LAMA2: variants seen among roughly 807,000 people sequenced by gnomAD.
The protein encoded by LAMA2 is laminin subunit alpha 2, also known as laminin subunit alpha-2.
In LAMA2, 269 loss-of-function variants were observed where a neutral mutation model predicts 364.8. That is an observed-to-expected ratio of 0.74 (90% CI 0.67 to 0.82). LAMA2 has a LOEUF of 0.82. LAMA2 is among the 40% of genes least tolerant of loss of function. The probability of loss-of-function intolerance (pLI) is 0.00; values close to 1 mark genes in which losing one functional copy is unlikely to be tolerated. For synonymous variants in LAMA2, 1,379 were observed against 1,370.6 expected (o/e 1.01, Z -0.14); for missense variants, 3,807 against 3,873.2 (o/e 0.98, Z 0.45).
intron 40 of LAMA2, among the ~76,000 whole-genome samples, chr6:129,424,538 G>A (rs934757311): frequency 1.3e-5 from 2 of 151,506 alleles, no homozygotes; most frequent in Non-Finnish European, 2.9e-5. Context: ...TCAAAAATAA[G>A]AGCAAATAAC....
At chr6:129,123,305 C>CAA (rs964224907) in intron 4 of LAMA2, among the ~76,000 whole-genome samples, 5 of 97,046 alleles carry the variant, frequency 5.2e-5, no homozygotes, top group Non-Finnish European at 4.5e-5. Flanking sequence ...GACTCTGTCT[C>CAA]AAAAAAAAAA....
At chr6:129,070,692 C>T (rs1307481875) in intron 3 of LAMA2, among the ~76,000 whole-genome samples, 3 of 152,070 alleles carry the variant, frequency 2.0e-5, no homozygotes, top group African/African-American at 7.2e-5. Context: ...TTATTATGTA[C>T]AGTTTTTAAT....
rs5879934 is a variant in LAMA2 at position 129,255,405 on chromosome 6, C to CAAAA, written c.2096+3137_2096+3140dup. ...TGGGTGACAGAGGGAGACTCTGTCT[C>CAAAA]AAAAAAAAAAAAAAAAAAAAAAAAA... On this transcript the variant is annotated intron_variant, in intron 14 of 64. Transcript: ENST00000421865. Among the ~76,000 whole-genome samples, 27 of 33,828 alleles carry CAAAA rather than the reference C, an allele frequency of 8.0e-4. 2 individuals carry two copies. The highest frequency in any genetic ancestry group is 1.5e-3 in the East Asian group (1 of 658). 22.2% of individuals were successfully genotyped at this position (33,828 alleles called of 152,430 possible).
intron 14 of LAMA2, among the ~76,000 whole-genome samples, chr6:129,256,401 A>G (rs958427570): frequency 6.6e-6 from 1 of 152,158 alleles, no homozygotes; most frequent in African/African-American, 2.4e-5. Context: ...TAACTATTAA[A>G]AAGCAGTCAT....
At chr6:128,995,621 G>A (rs534375914) in intron 1 of LAMA2, among the ~76,000 whole-genome samples, 2 of 152,154 alleles carry the variant, frequency 1.3e-5, no homozygotes, top group Non-Finnish European at 2.9e-5. Flanking sequence ...ACCGCACCTG[G>A]CCCCAGTAGG....
chr6:129,406,776 G>A (rs906338779), intron 40 of LAMA2, among the ~76,000 whole-genome samples: 9 of 152,100 alleles, frequency 5.9e-5, no homozygotes, highest in African/African-American at 2.2e-4. Context: ...ATGTATACAA[G>A]AAGGGGGGTT....
In LAMA2 at chr6:129,320,576, G is replaced by C. The variant is rs573563174; in HGVS notation, c.4097G>C (p.Arg1366Pro). ...TCAATGGAGGTAGCTGAACAAGGAC[G>C]TGGAACAACAATGACTCCTCCAGCT... Reference protein sequence around the residue: ...EISMEVAEQGRGTTMTPPADL... With the variant: ...EISMEVAEQGPGTTMTPPADL... The change falls in exon 28 of 65, where the codon CGT becomes CCT. Residue 1366 changes from arginine to proline, a missense_variant. Transcript: ENST00000421865. 2 of 1,613,110 alleles carry C rather than the reference G, an allele frequency of 1.2e-6. No homozygotes were observed. The highest frequency in any genetic ancestry group is 2.2e-5 in the South Asian group (2 of 91,050).
At chr6:128,988,021 G>A (rs9482970) in intron 1 of LAMA2, among the ~76,000 whole-genome samples, 51,563 of 151,798 alleles carry the variant, frequency 0.34, 10,454 homozygotes, top group African/African-American at 0.57. Context: ...TCCGGCACCA[G>A]GCCCAGCTAA....
At chr6:129,147,147 AG>A (rs1178169333) in intron 6 of LAMA2, 99 bp downstream of exon 6, 1 of 798,082 alleles carries the variant, frequency 1.3e-6, no homozygotes, top group Non-Finnish European at 2.3e-6. Context: ...AATGGGAGTC[AG>A]GTCCCCACTT....
At chr6:128,929,348 G>A in intron 1 of LAMA2, 5 of 1,102,656 alleles carry the variant, frequency 4.5e-6, no homozygotes, top group Admixed American at 1.7e-5. Flanking sequence ...AAAGACTGGG[G>A]TGAGACCTCG....
chr6:129,505,242 G>C lies in LAMA2; in HGVS notation c.8590G>C (p.Asp2864His), dbSNP rs554254469. ...RSKQEGILYV[D>H]GASNRTISPK... Reference sequence around the variant, plus strand: ...TAAGCAAGAAGGAATTCTTTATGTAGATGGGGCTTCCAACAGAACCATCAG... The same window carrying C: ...TAAGCAAGAAGGAATTCTTTATGTACATGGGGCTTCCAACAGAACCATCAG... The change falls in exon 61 of 65, where the codon GAT (aspartate) becomes CAT (histidine). Residue 2864 changes from aspartate (D) to histidine (H), a missense_variant. Transcript: ENST00000421865. The C allele has an allele frequency of 1.5e-5, 25 of 1,613,842 alleles. No individual in the cohort carries two copies. The highest frequency in any genetic ancestry group is 2.0e-5 in the Non-Finnish European group (24 of 1,179,790).
chr6:128,905,722 G>A (rs1777412141), intron 1 of LAMA2: 1 of 151,384 alleles, frequency 6.6e-6, no homozygotes, highest in Non-Finnish European at 1.5e-5. Context: ...CCATGCTGGT[G>A]CGCTGCACCC....
rs112779983 is a variant in LAMA2, at chr6:129,506,978, T to C, written c.8704-511T>C. 8.3e-3 allele frequency among the ~76,000 whole-genome samples: 1,261 copies of C among 152,204 alleles called. 10 individuals carry two copies. Among genetic ancestry groups the C allele is most frequent in the Non-Finnish European group, 0.014 (941 of 67,992 alleles). On this transcript the variant is annotated intron_variant, in intron 61 of 64. Transcript: ENST00000421865. Reference sequence around the variant, plus strand: ...TGAACCCCCAATGTTTCATGCAAACTTTCAAGTTTTATGCATATTTGCATT... The same window carrying C: ...TGAACCCCCAATGTTTCATGCAAACCTTCAAGTTTTATGCATATTTGCATT...
At chr6:128,932,876 G>A (rs1779569393) in intron 1 of LAMA2, among the ~76,000 whole-genome samples, 1 of 152,072 alleles carries the variant, frequency 6.6e-6, no homozygotes, top group Admixed American at 6.6e-5. Flanking sequence ...TCTGTGTTTG[G>A]AAAATTCCAA....
intron 40 of LAMA2, among the ~76,000 whole-genome samples, chr6:129,413,423 G>C (rs142176104): frequency 9.2e-4 from 140 of 152,056 alleles, no homozygotes; most frequent in African/African-American, 3.2e-3. Context: ...CCTTACACAA[G>C]ATAACTTAAT....
chr6:129,098,302 T>C lies in LAMA2; in HGVS notation c.526T>C (p.Cys176Arg), dbSNP rs1031398435. The stretch of plus-strand genomic sequence containing the variant: ...GTATCATGCTGTGACAGACACGGAG[T>C]GCCTAACGCTTTACAATATTTATCC... ...WQYHAVTDTECLTLYNIYPRT... is the reference protein window; with the variant it reads ...WQYHAVTDTERLTLYNIYPRT... The change falls in exon 4 of 65, where the codon TGC (cysteine) becomes CGC (arginine). Residue 176 changes from cysteine (C) to arginine (R), a missense_variant. By Grantham distance (180) the Cys-to-Arg change is radical. This residue lies in a region of LAMA2 where 394 missense variants were observed against 403.5 expected (regional missense o/e 0.98). Coordinates refer to ENST00000421865, the MANE Select transcript of LAMA2 (RefSeq NM_000426.4). The C allele has an allele frequency of 1.9e-6, 3 of 1,614,006 alleles. No individual in the cohort carries two copies. Among genetic ancestry groups the C allele is most frequent in the African/African-American group, 1.3e-5 (1 of 74,966 alleles).
chr6:129,088,477 A>G (rs1774544045), intron 3 of LAMA2, among the ~76,000 whole-genome samples: 2 of 129,576 alleles, frequency 1.5e-5, no homozygotes, highest in African/African-American at 5.9e-5. Flanking sequence ...TGGCCGGTAG[A>G]GGCGCCCCCC....
intron 4 of LAMA2, among the ~76,000 whole-genome samples, chr6:129,138,069 T>A (rs181794051): frequency 6.6e-6 from 1 of 152,016 alleles, no homozygotes; most frequent in Non-Finnish European, 1.5e-5. Context: ...GAAAAGGTGT[T>A]TGAGGAAAGG....
chr6:129,235,972 CAG>C (rs2115141923), intron 12 of LAMA2, among the ~76,000 whole-genome samples: 1 of 152,218 alleles, frequency 6.6e-6, no homozygotes. Flanking sequence ...TACTTGAAAG[CAG>C]TAAGTTCTCA....
Sources: allele counts gnomAD v4.1 joint callset (sites outside exome capture counted in the v4.1 genomes callset), GRCh38; gene constraint gnomAD v4.1.1; regional missense constraint gnomAD v4.1.1; transcripts MANE v1.5; gene names NCBI Gene and HGNC (gene_info 2026-07-23, HGNC 2026-07-21).